AAK1: variants seen among roughly 807,000 people sequenced by gnomAD.
AAK1 encodes the protein AP2-associated protein kinase 1.
In AAK1, 37 loss-of-function variants were observed where a neutral mutation model predicts 116.0. The observed-to-expected ratio is 0.32, with a 90% CI of 0.25 to 0.42. The LOEUF (loss-of-function observed/expected upper bound fraction) is 0.42. Ranked by LOEUF, AAK1 falls within the 10% of genes least tolerant of loss-of-function variation. AAK1 has a pLI of 1.00. For missense variants in AAK1, 919 were observed against 1,170.6 expected, an observed-to-expected ratio of 0.79 and a Z score of 3.14; for synonymous variants, 458 against 439.9, an observed-to-expected ratio of 1.04 and a Z score of -0.51.
At chr2:69,625,091 A>T (rs1005909268) in intron 2 of AAK1, among the ~76,000 whole-genome samples, 5 of 152,204 alleles carry the variant, frequency 3.3e-5, no homozygotes, top group Non-Finnish European at 5.9e-5. Flanking sequence ...TGTGAGACAT[A>T]AAAAAATGGT....
intron 2 of AAK1, among the ~76,000 whole-genome samples, chr2:69,633,873 A>G (rs1293912760): frequency 6.6e-6 from 1 of 152,142 alleles, no homozygotes; most frequent in Admixed American, 6.5e-5. Context: ...TTAAAGGTCA[A>G]CAATGTTATG....
At chr2:69,522,076 C>G (rs1049399782) in intron 10 of AAK1, among the ~76,000 whole-genome samples, 4 of 152,232 alleles carry the variant, frequency 2.6e-5, no homozygotes, top group African/African-American at 7.2e-5. Flanking sequence ...TGCTTGCTCC[C>G]TGTGAGGGGT....
In AAK1 at chr2:69,465,682, C is replaced by T. The variant is rs1372869003; in HGVS notation, c.*10187G>A. On this transcript the variant is annotated 3_prime_UTR_variant, in exon 22 of 22. Transcript: ENST00000409085. Reference sequence around the variant, plus strand: ...TTGCCAGCCATGGGGCCTGAGACAGCTTCTTTCTGGAGCTGAGGTCCTTTG... The same window carrying T: ...TTGCCAGCCATGGGGCCTGAGACAGTTTCTTTCTGGAGCTGAGGTCCTTTG... 1.5e-6 allele frequency: 2 copies of T among 1,290,840 alleles called. No homozygotes were observed. Among genetic ancestry groups the T allele is most frequent in the Non-Finnish European group, 2.0e-6 (2 of 988,886 alleles). The allele number at this position is 1,290,840 out of a possible 1,614,324, so 80.0% of individuals were successfully genotyped here.
At chr2:69,548,898 C>G (rs565746197) in intron 3 of AAK1, among the ~76,000 whole-genome samples, 1 of 152,192 alleles carries the variant, frequency 6.6e-6, no homozygotes, top group African/African-American at 2.4e-5. Flanking sequence ...CCACCACACC[C>G]GGCCAACAAG....
chr2:69,472,816 A>C lies in AAK1; in HGVS notation c.*3053T>G. 2.0e-6 allele frequency: 2 copies of C among 985,668 alleles called. No homozygotes were observed. The highest frequency in any genetic ancestry group is 2.4e-6 in the Non-Finnish European group (2 of 829,896). The allele number at this position is 985,668 out of a possible 1,614,324, so 61.1% of individuals were successfully genotyped here. ...AGAAATCTTCTGATACCATTTTATT[A>C]GAATAGGTAGGTGTGTGTCCACGCA... On this transcript the variant is annotated 3_prime_UTR_variant, in exon 22 of 22. Coordinates refer to ENST00000409085, the MANE Select transcript of AAK1 (RefSeq NM_014911.5).
In AAK1 at chr2:69,470,692, T is replaced by C; in HGVS notation, c.*5177A>G. ...CAACCCTGAGTCTGGTCATATCCAG[T>C]GTAGGCTGGCAGGCGTCTTATTCTC... On this transcript the variant is annotated 3_prime_UTR_variant, in exon 22 of 22. Transcript: ENST00000409085. The C allele has an allele frequency of 1.0e-6, 1 of 985,444 alleles. No homozygotes were observed. The highest frequency in any genetic ancestry group is 1.2e-6 in the Non-Finnish European group (1 of 829,924). 61.0% of individuals were successfully genotyped at this position (985,444 alleles called of 1,614,324 possible).
chr2:69,579,879 C>T (rs1672471817), intron 2 of AAK1, among the ~76,000 whole-genome samples: 1 of 152,276 alleles, frequency 6.6e-6, no homozygotes, highest in South Asian at 2.1e-4. Context: ...ATTTGACTTT[C>T]TCAATTAAGC....
In AAK1 at chr2:69,527,199, T is replaced by A. The variant is rs774031351; in HGVS notation, c.975+17A>T. On this transcript the variant is annotated intron_variant, in intron 9 of 21. Transcript: ENST00000409085. Reference sequence around the variant, plus strand: ...TTTGATAATGTTTACTCCCTTTAAATAGCACCATTCACGTACCTGTACATT... The same window carrying A: ...TTTGATAATGTTTACTCCCTTTAAAAAGCACCATTCACGTACCTGTACATT... 1.3e-6 allele frequency: 2 copies of A among 1,549,216 alleles called. No homozygotes were observed. Among genetic ancestry groups the A allele is most frequent in the East Asian group, 4.5e-5 (2 of 44,124 alleles).
intron 3 of AAK1, among the ~76,000 whole-genome samples, chr2:69,546,726 G>A (rs555941283): frequency 2.5e-4 from 38 of 152,300 alleles, no homozygotes; most frequent in African/African-American, 4.8e-4. Flanking sequence ...CAATGCAATC[G>A]TATTAAGAGG....
At chr2:69,523,642 C>T (rs1051609731) in intron 10 of AAK1, among the ~76,000 whole-genome samples, 3 of 152,196 alleles carry the variant, frequency 2.0e-5, no homozygotes, top group East Asian at 1.9e-4. Context: ...GGCAGCCATG[C>T]GAAAGTGCTT....
chr2:69,560,496 C>T (rs1054402452), intron 2 of AAK1, among the ~76,000 whole-genome samples: 1 of 152,366 alleles, frequency 6.6e-6, no homozygotes, highest in East Asian at 1.9e-4. Context: ...TCTCTGCCTA[C>T]TGGCATTTTT....
chr2:69,487,658 C>A lies in AAK1; in HGVS notation c.2366-4846G>T, dbSNP rs1675349656. ...TTTAAGGGGATAGACCAATGAAACC[C>A]CCAAATTATTCATAAATTGTATTTT... On this transcript the variant is annotated intron_variant, in intron 17 of 21. Transcript: ENST00000409085. 2.0e-5 allele frequency among the ~76,000 whole-genome samples: 3 copies of A among 152,168 alleles called. No homozygotes were observed. The South Asian group carries it at 6.2e-4, about 32-fold the overall frequency.
intron 15 of AAK1, among the ~76,000 whole-genome samples, chr2:69,507,203 A>G (rs140593182): frequency 8.5e-5 from 13 of 152,320 alleles, no homozygotes; most frequent in African/African-American, 2.9e-4. Flanking sequence ...ACCACCCACA[A>G]TAGATCAGGA....
At chr2:69,575,108 TG>T (rs1431021074) in intron 2 of AAK1, among the ~76,000 whole-genome samples, 1 of 151,954 alleles carries the variant, frequency 6.6e-6, no homozygotes, top group Non-Finnish European at 1.5e-5. Context: ...TTGTGGATGA[TG>T]ATCTATGTTC....
chr2:69,502,269 A>G (rs1676006468), intron 16 of AAK1, among the ~76,000 whole-genome samples: 1 of 152,200 alleles, frequency 6.6e-6, no homozygotes, highest in Admixed American at 6.5e-5. Context: ...TACAAAATGA[A>G]TCTAAAAGGC....
intron 17 of AAK1, among the ~76,000 whole-genome samples, chr2:69,493,311 A>G (rs965258882): frequency 6.6e-6 from 1 of 151,946 alleles, no homozygotes; most frequent in Non-Finnish European, 1.5e-5. Flanking sequence ...CCGTGAAAGG[A>G]CGGGGCTAAA....
intron 2 of AAK1, among the ~76,000 whole-genome samples, chr2:69,580,141 A>C (rs1442201796): frequency 6.6e-6 from 1 of 152,148 alleles, no homozygotes; most frequent in Non-Finnish European, 1.5e-5. Flanking sequence ...CCATACTAAC[A>C]GCCACTGGCT....
In AAK1 at chr2:69,473,682, T is replaced by A. The variant is rs1376846148; in HGVS notation, c.*2187A>T. 1.1e-5 allele frequency: 11 copies of A among 968,130 alleles called. No individual in the cohort carries two copies. The highest frequency in any genetic ancestry group is 1.2e-5 in the Non-Finnish European group (10 of 813,982). The allele number at this position is 968,130 out of a possible 1,614,324, so 60.0% of individuals were successfully genotyped here. A position where few individuals can be genotyped will look rare whatever the true frequency, so the allele number is the denominator to read the frequency against. ...AATTTCTAAACTGTACTCTTCATAG[T>A]TTCAATTAAATTGAGAAACTAGATA... On this transcript the variant is annotated 3_prime_UTR_variant, in exon 22 of 22. Coordinates refer to ENST00000409085, the MANE Select transcript of AAK1 (RefSeq NM_014911.5).
chr2:69,500,698 T>TATATATATATATATATATATATAC, intron 16 of AAK1, among the ~76,000 whole-genome samples: 4 of 65,096 alleles, frequency 6.1e-5, no homozygotes, highest in Admixed American at 2.1e-4. Flanking sequence ...TATATATATA[T>TATATATATATATATATATATATAC]ACACACACAC....
Sources: allele counts gnomAD v4.1 joint callset (sites outside exome capture counted in the v4.1 genomes callset), GRCh38; gene constraint gnomAD v4.1.1; transcripts MANE v1.5; gene names NCBI Gene and HGNC (gene_info 2026-07-23, HGNC 2026-07-21).